The following ZC2HC1B variants were observed in gnomAD, a reference collection of about 807,000 sequenced individuals.
The protein encoded by ZC2HC1B is zinc finger C2HC-type containing 1B, also known as zinc finger C2HC domain-containing protein 1B.
In ZC2HC1B, 36 loss-of-function variants were observed where a neutral mutation model predicts 31.0. The observed-to-expected ratio is 1.16, with a 90% CI of 0.89 to 1.54. ZC2HC1B has a LOEUF of 1.54. ZC2HC1B is among the 40% of genes most tolerant of loss of function. The pLI, the probability that ZC2HC1B is intolerant of heterozygous loss-of-function variation, is 0.00. For missense variants in ZC2HC1B, 260 were observed against 268.6 expected (o/e 0.97, Z 0.22); for synonymous variants, 73 against 88.0 (o/e 0.83, Z 0.95).
In ZC2HC1B at chr6:143,933,261, T is replaced by G. The variant is rs1361918296; in HGVS notation, c.599-4388T>G. ...TTATGAGTTGCTATAATGTTCTGAG[T>G]TGGTTAACCTTGAGCCAGGAGGTGG... is the stretch of plus-strand genomic sequence containing the variant. On this transcript the variant is annotated intron_variant, in intron 6 of 7. Coordinates refer to ENST00000237275, the MANE Select transcript of ZC2HC1B (RefSeq NM_001013623.3). The surrounding 1 kb of genome is among the most constrained non-coding windows in gnomAD (Gnocchi z 6.4). Among the ~76,000 whole-genome samples the G allele has an allele frequency of 6.6e-6, 1 of 152,100 alleles. No homozygotes were observed. Among genetic ancestry groups the G allele is most frequent in the Non-Finnish European group, 1.5e-5 (1 of 68,022 alleles).
chr6:143,910,918 G>T (rs1777848130), intron 6 of ZC2HC1B, among the ~76,000 whole-genome samples: 1 of 152,018 alleles, frequency 6.6e-6, no homozygotes, highest in African/African-American at 2.4e-5. Context: ...ATGCCCAGCT[G>T]GTTTTTGTAC....
In ZC2HC1B at chr6:143,871,163, A is replaced by C. The variant is rs1024419314; in HGVS notation, c.28+6596A>C. On this transcript the variant is annotated intron_variant, in intron 1 of 7. Transcript: ENST00000237275. This position sits in a 1 kb window ranked among gnomAD's most constrained non-coding sequence, Gnocchi z 4.1. ...GGAAGAAGTTCCCTAAATTTTCATC[A>C]GATTTCCCATCCTCTGGCACGCAAA... Among the ~76,000 whole-genome samples the C allele has an allele frequency of 6.6e-6, 1 of 152,194 alleles. No individual in the cohort carries two copies. Among genetic ancestry groups the C allele is most frequent in the African/African-American group, 2.4e-5 (1 of 41,456 alleles).
In ZC2HC1B at chr6:143,871,703, G is replaced by A. The variant is rs1777338912; in HGVS notation, c.28+7136G>A. On this transcript the variant is annotated intron_variant, in intron 1 of 7. Coordinates refer to ENST00000237275, the MANE Select transcript of ZC2HC1B (RefSeq NM_001013623.3). The surrounding 1 kb of genome is among the most constrained non-coding windows in gnomAD (Gnocchi z 4.1). ...TACTAATCGCCACAGTCTCTGCAGG[G>A]ATGTGATACTGTTTTTGATTTACTA... 1.3e-5 allele frequency among the ~76,000 whole-genome samples: 2 copies of A among 152,186 alleles called. No individual in the cohort carries two copies. Among genetic ancestry groups the A allele is most frequent in the Non-Finnish European group, 2.9e-5 (2 of 68,024 alleles).
rs982539407 is a variant in ZC2HC1B, at chr6:143,870,839, G to T, written c.28+6272G>T. 6.6e-6 allele frequency among the ~76,000 whole-genome samples: 1 copy of T among 152,138 alleles called. No homozygotes were observed. The highest frequency in any genetic ancestry group is 1.5e-5 in the Non-Finnish European group (1 of 68,028). ...GCCACTGACACCTCAAGTACCATTG[G>T]ATCTGCTGGGTCATATGGCCCAATT... On this transcript the variant is annotated intron_variant, in intron 1 of 7. Transcript: ENST00000237275. The surrounding 1 kb of genome is among the most constrained non-coding windows in gnomAD (Gnocchi z 4.7).
intron 6 of ZC2HC1B, among the ~76,000 whole-genome samples, chr6:143,935,140 T>TGGTGGGCAG (rs60989370): frequency 0.64 from 97,477 of 151,134 alleles, 31,924 homozygotes; most frequent in South Asian, 0.78. Flanking sequence ...ATGCTGGTGG[T>TGGTGGGCAG]GGTGGGTCAA....
At chr6:143,867,619 A>T (rs1777280311) in intron 1 of ZC2HC1B, among the ~76,000 whole-genome samples, 1 of 152,222 alleles carries the variant, frequency 6.6e-6, no homozygotes, top group Admixed American at 6.5e-5. Context: ...TCTCCAACTG[A>T]TCTAGAGATC....
rs897280456 is a variant in ZC2HC1B, at chr6:143,895,832, C to G, written c.350-2720C>G. On this transcript the variant is annotated intron_variant, in intron 4 of 7. Transcript: ENST00000237275. The surrounding 1 kb of genome is among the most constrained non-coding windows in gnomAD (Gnocchi z 4.8). ...TTCTCTGAGATCTGGCCACCATATT[C>G]CTCGAAAGAATTCATTTGGACTCTG... 1.2e-4 allele frequency among the ~76,000 whole-genome samples: 19 copies of G among 152,124 alleles called. No individual in the cohort carries two copies. The highest frequency in any genetic ancestry group is 4.6e-4 in the African/African-American group (19 of 41,412).
chr6:143,926,073 T>C (rs554068256), intron 6 of ZC2HC1B, among the ~76,000 whole-genome samples: 1 of 152,184 alleles, frequency 6.6e-6, no homozygotes, highest in South Asian at 2.1e-4. Flanking sequence ...AAAACTAACT[T>C]TTCATTCCAT....
In ZC2HC1B at chr6:143,884,220, A is replaced by G. The variant is rs1777504889; in HGVS notation, c.29-84A>G. 5 of 1,257,682 alleles carry G rather than the reference A, an allele frequency of 4.0e-6. No homozygotes were observed. The highest frequency in any genetic ancestry group is 5.5e-6 in the Non-Finnish European group (5 of 908,352). The allele number at this position is 1,257,682 out of a possible 1,614,324, so 77.9% of individuals were successfully genotyped here. ...GAAAAGAGAGTGAGGATATCAAGCT[A>G]TTGAGGTCACCTCCAGTCAGTCATT... On this transcript the variant is annotated intron_variant, in intron 1 of 7. Transcript: ENST00000237275. The surrounding 1 kb of genome is among the most constrained non-coding windows in gnomAD (Gnocchi z 5.1).
intron 6 of ZC2HC1B, among the ~76,000 whole-genome samples, chr6:143,914,977 C>A (rs567946873): frequency 4.3e-4 from 65 of 152,256 alleles, no homozygotes; most frequent in Admixed American, 8.5e-4. Flanking sequence ...ACAGTTTAAT[C>A]GATTTACATT....
chr6:143,871,957 A>G lies in ZC2HC1B; in HGVS notation c.28+7390A>G, dbSNP rs1021644368. On this transcript the variant is annotated intron_variant, in intron 1 of 7. Transcript: ENST00000237275. The surrounding 1 kb of genome is among the most constrained non-coding windows in gnomAD (Gnocchi z 4.1). ...GAAACTCCATTATTACCTGACCTCC[A>G]TAAGCCCGTACGTTAACTGGAGGAC... 3.9e-5 allele frequency among the ~76,000 whole-genome samples: 6 copies of G among 152,132 alleles called. No homozygotes were observed. The highest frequency in any genetic ancestry group is 2.1e-4 in the South Asian group (1 of 4,818).
In ZC2HC1B at chr6:143,864,526, G is replaced by C; in HGVS notation, c.-14G>C. On this transcript the variant is annotated 5_prime_UTR_variant, in exon 1 of 8. Coordinates refer to ENST00000237275, the MANE Select transcript of ZC2HC1B (RefSeq NM_001013623.3). ...AAAAATCTGTGAACACTGTTGCTCTGAGTTAGGAACAGAATGGCTGGGGCA... is the reference window on the plus strand; with the variant it reads ...AAAAATCTGTGAACACTGTTGCTCTCAGTTAGGAACAGAATGGCTGGGGCA... 2 of 1,551,604 alleles carry C rather than the reference G, an allele frequency of 1.3e-6. No homozygotes were observed. The highest frequency in any genetic ancestry group is 1.7e-6 in the Non-Finnish European group (2 of 1,146,918).
intron 1 of ZC2HC1B, among the ~76,000 whole-genome samples, chr6:143,873,433 A>T (rs1412320681): frequency 6.6e-6 from 1 of 152,210 alleles, no homozygotes; most frequent in East Asian, 1.9e-4. Context: ...TCTGGAGGAC[A>T]GTGGCCCTCT....
intron 6 of ZC2HC1B, among the ~76,000 whole-genome samples, chr6:143,927,006 G>C (rs1778061031): frequency 7.2e-6 from 1 of 138,322 alleles, no homozygotes; most frequent in African/African-American, 2.9e-5. Context: ...CACCTTGTTA[G>C]CCAGGATGGT....
At chr6:143,892,585 A>C (rs2128494447) in intron 4 of ZC2HC1B, among the ~76,000 whole-genome samples, 1 of 152,308 alleles carries the variant, frequency 6.6e-6, no homozygotes, top group South Asian at 2.1e-4. Context: ...GGCGTGAGCC[A>C]CTGCGCCCAG....
At chr6:143,932,458 C>G (rs1225247082) in intron 6 of ZC2HC1B, among the ~76,000 whole-genome samples, 1 of 152,160 alleles carries the variant, frequency 6.6e-6, no homozygotes, top group African/African-American at 2.4e-5. Context: ...TGGAAACTTT[C>G]CAGTGCATTT....
intron 6 of ZC2HC1B, among the ~76,000 whole-genome samples, chr6:143,926,565 A>G (rs1778046117): frequency 6.6e-6 from 1 of 151,984 alleles, no homozygotes; most frequent in Non-Finnish European, 1.5e-5. Context: ...CCATGTGTTG[A>G]TGAGAAGAAT....
chr6:143,910,742 C>CT (rs1047773177), intron 6 of ZC2HC1B, among the ~76,000 whole-genome samples: 14 of 151,940 alleles, frequency 9.2e-5, no homozygotes, highest in African/African-American at 3.4e-4. Flanking sequence ...CTTTTTTGAT[C>CT]TTTTTTAGTT....
chr6:143,891,317 TTG>T (rs1777600641), intron 4 of ZC2HC1B, among the ~76,000 whole-genome samples: 1 of 152,078 alleles, frequency 6.6e-6, no homozygotes, highest in African/African-American at 2.4e-5. Context: ...AGACTCAAGA[TTG>T]TGTTATGATG....
Sources: allele counts gnomAD v4.1 joint callset (sites outside exome capture counted in the v4.1 genomes callset), GRCh38; gene constraint gnomAD v4.1.1; non-coding constraint Gnocchi (gnomAD v3.1); transcripts MANE v1.5; gene names NCBI Gene and HGNC (gene_info 2026-07-23, HGNC 2026-07-21).